The following SUSD1 variants were observed in gnomAD, a reference collection of about 807,000 sequenced individuals.
SUSD1 encodes sushi domain containing 1, also known as sushi domain-containing protein 1.
Under a neutral mutation model 86.9 loss-of-function variants are expected in SUSD1, and 65 were observed. The ratio of observed to expected loss-of-function variants is 0.75; its 90% CI spans 0.61 to 0.92. The LOEUF is 0.92. SUSD1 is among the 40% of genes least tolerant of loss of function. SUSD1 has a pLI of 0.00. For missense variants in SUSD1, 850 were observed against 929.7 expected, an observed-to-expected ratio of 0.91 and a Z score of 1.11; for synonymous variants, 346 against 350.0, an observed-to-expected ratio of 0.99 and a Z score of 0.13.
intron 8 of SUSD1, 67 bp downstream of exon 8, chr9:112,111,587 C>G (rs1278446155): frequency 4.5e-6 from 7 of 1,550,638 alleles, no homozygotes; most frequent in Non-Finnish European, 6.1e-6. Context: ...GCTGATTCTG[C>G]AGCATACTTC....
At chr9:112,155,992 G>GAGAGAGAGAAAGAAAGAAAT (rs1833291972) in intron 2 of SUSD1, among the ~76,000 whole-genome samples, 1 of 151,084 alleles carries the variant, frequency 6.6e-6, no homozygotes, top group African/African-American at 2.4e-5. Context: ...AAGAAAGAAA[G>GAGAGAGAGAAAGAAAGAAAT]AGAGAAAGAA....
intron 3 of SUSD1, among the ~76,000 whole-genome samples, chr9:112,148,777 G>A (rs766658531): frequency 2.0e-5 from 3 of 151,908 alleles, no homozygotes; most frequent in Admixed American, 6.6e-5. Flanking sequence ...ATGGTGGTGC[G>A]TGCCTGTAAT....
chr9:112,172,640 C>T (rs771503856), intron 1 of SUSD1, among the ~76,000 whole-genome samples: 1 of 152,114 alleles, frequency 6.6e-6, no homozygotes, highest in Non-Finnish European at 1.5e-5. Flanking sequence ...AAACATATAC[C>T]AAGTCACCCA....
chr9:112,085,946 A>C (rs149096184), intron 10 of SUSD1, among the ~76,000 whole-genome samples: 63 of 152,266 alleles, frequency 4.1e-4, no homozygotes, highest in African/African-American at 1.5e-3. Context: ...AATAAAATAA[A>C]ATAAAACAAC....
intron 1 of SUSD1, among the ~76,000 whole-genome samples, chr9:112,165,481 C>T (rs916415084): frequency 1.2e-4 from 18 of 147,336 alleles, no homozygotes; most frequent in Admixed American, 9.0e-4. Context: ...ACGATCACAG[C>T]TCACTGCAAC....
Position 112,042,225 on chromosome 9 carries a change from T to C in SUSD1, c.2150-265A>G. 3 of 1,417,784 alleles carry C rather than the reference T, an allele frequency of 2.1e-6. No homozygotes were observed. The South Asian group carries it at 3.7e-5, about 18-fold the overall frequency. The allele number at this position is 1,417,784 out of a possible 1,614,324, so 87.8% of individuals were successfully genotyped here. ...GTTACAAGGGAGAAAACAGCTAATC[T>C]TGTTGAGCACACAAATACTATGCAA... On this transcript the variant is annotated intron_variant, in intron 15 of 16. Coordinates refer to ENST00000374270, the MANE Select transcript of SUSD1 (RefSeq NM_022486.5).
At chr9:112,104,499 T>A (rs1258982351) in intron 8 of SUSD1, among the ~76,000 whole-genome samples, 1 of 152,144 alleles carries the variant, frequency 6.6e-6, no homozygotes, top group East Asian at 1.9e-4. Flanking sequence ...GAAGGTACCA[T>A]CTGGCAGAGA....
chr9:112,138,077 A>T (rs1000802646), intron 5 of SUSD1, among the ~76,000 whole-genome samples: 1 of 149,948 alleles, frequency 6.7e-6, no homozygotes, highest in Non-Finnish European at 1.5e-5. Flanking sequence ...ACAAAAAATT[A>T]GCTGGGCATG....
chr9:112,064,927 A>T (rs1258841836), intron 12 of SUSD1, among the ~76,000 whole-genome samples: 1 of 152,062 alleles, frequency 6.6e-6, no homozygotes, highest in Non-Finnish European at 1.5e-5. Flanking sequence ...TTTACCAGCA[A>T]TAAAACTGAT....
chr9:112,051,751 C>T (rs532349152), intron 15 of SUSD1, among the ~76,000 whole-genome samples: 15 of 152,074 alleles, frequency 9.9e-5, no homozygotes, highest in Non-Finnish European at 1.5e-4. Context: ...GCTACACAGC[C>T]GAATGGTAGT....
intron 8 of SUSD1, among the ~76,000 whole-genome samples, chr9:112,107,211 C>T (rs754652917): frequency 2.8e-5 from 4 of 140,356 alleles, no homozygotes; most frequent in South Asian, 4.5e-4. Flanking sequence ...GCCATGGTTG[C>T]ACCACTGAAC....
intron 10 of SUSD1, 126 bp downstream of exon 10, chr9:112,098,344 A>G: frequency 1.1e-6 from 1 of 940,860 alleles, no homozygotes; most frequent in Non-Finnish European, 1.6e-6. Context: ...GCAGCTAACA[A>G]AGTTTGTTAG....
At chr9:112,126,378 T>C (rs1446913362) in intron 5 of SUSD1, among the ~76,000 whole-genome samples, 2 of 152,318 alleles carry the variant, frequency 1.3e-5, no homozygotes, top group Admixed American at 6.5e-5. Context: ...GATAACTAGA[T>C]TGGCTTCCAT....
chr9:112,080,089 C>T lies in SUSD1; in HGVS notation c.1551G>A (p.Met517Ile). The change falls in exon 11 of 17, where the codon ATG (methionine) becomes ATA (isoleucine). Residue 517 changes from methionine (M) to isoleucine (I), a missense_variant. Coordinates refer to ENST00000374270, the MANE Select transcript of SUSD1 (RefSeq NM_022486.5). ...LRWRSIKTADMEEMYLFHIWG... is the reference protein window; with the variant it reads ...LRWRSIKTADIEEMYLFHIWG... Reference sequence around the variant, plus strand: ...AGTCACTTACTAAATACATCTCCTCCATATCAGCTGTCTTGATGCTTCTCC... The same window carrying T: ...AGTCACTTACTAAATACATCTCCTCTATATCAGCTGTCTTGATGCTTCTCC... 6.2e-7 allele frequency: 1 copy of T among 1,612,270 alleles called. No individual in the cohort carries two copies. The highest frequency in any genetic ancestry group is 8.5e-7 in the Non-Finnish European group (1 of 1,178,428).
chr9:112,098,540 C>G lies in SUSD1; in HGVS notation c.1404G>C (p.Thr468=). Residue 468 remains threonine (T), a synonymous_variant, in exon 10 of 17, where the codon ACG becomes ACC. Transcript: ENST00000374270. The part of the protein sequence containing the change: ...CLDLYPTTDY[T]VNVTLLRSPK... ...GAGATCTCAGCAGGGTCACATTCACCGTATAATCAGTCGTAGGGTACAGAT... is the reference window on the plus strand; with the variant it reads ...GAGATCTCAGCAGGGTCACATTCACGGTATAATCAGTCGTAGGGTACAGAT... The G allele has an allele frequency of 6.2e-7, 1 of 1,614,152 alleles. No individual in the cohort carries two copies. The highest frequency in any genetic ancestry group is 1.1e-5 in the South Asian group (1 of 91,086).
intron 11 of SUSD1, 50 bp downstream of exon 11, chr9:112,080,024 C>T: frequency 7.4e-7 from 1 of 1,358,482 alleles, no homozygotes; most frequent in Non-Finnish European, 1.1e-6. Context: ...ATTTTTAAGC[C>T]TCCCACATAA....
In SUSD1 at chr9:112,142,301, G is replaced by A. The variant is rs1313512859; in HGVS notation, c.706+19C>T. On this transcript the variant is annotated intron_variant, in intron 5 of 16. Coordinates refer to ENST00000374270, the MANE Select transcript of SUSD1 (RefSeq NM_022486.5). ...TCAAGGTGGTATGAATTGGGAACCT[G>A]TATTTTTTGAAAACTCACCTTGGCA... is the stretch of plus-strand genomic sequence containing the variant. 4 of 1,534,290 alleles carry A rather than the reference G, an allele frequency of 2.6e-6. No individual in the cohort carries two copies. The highest frequency in any genetic ancestry group is 3.5e-6 in the Non-Finnish European group (4 of 1,141,974).
In SUSD1 at chr9:112,143,554, A is replaced by G. The variant is rs774455894; in HGVS notation, c.443T>C (p.Phe148Ser). 3.7e-6 allele frequency: 6 copies of G among 1,614,018 alleles called. No individual in the cohort carries two copies. Among genetic ancestry groups the G allele is most frequent in the Non-Finnish European group, 5.1e-6 (6 of 1,180,022 alleles). Residue 148 changes from phenylalanine to serine, a missense_variant, in exon 4 of 17, where the codon TTT becomes TCT. Phe to Ser is a radical substitution (Grantham distance 155). Coordinates refer to ENST00000374270, the MANE Select transcript of SUSD1 (RefSeq NM_022486.5). ...GTATCCATCCATACAGTAGCATTCA[A>G]AGCTCCCATGAGTGTTCACGCATCG... ...GGRCVNTHGSFECYCMDGYLP... is the reference protein window; with the variant it reads ...GGRCVNTHGSSECYCMDGYLP...
intron 12 of SUSD1, among the ~76,000 whole-genome samples, chr9:112,068,641 G>A (rs942409996): frequency 6.6e-6 from 1 of 150,866 alleles, no homozygotes; most frequent in Non-Finnish European, 1.5e-5. Context: ...GGCAGAGGTT[G>A]CAGTGAGCCA....
Sources: gnomAD v4.1 joint callset for allele counts (sites outside exome capture counted in the v4.1 genomes callset) on GRCh38, gnomAD v4.1.1 for gene constraint, MANE v1.5 for transcripts, NCBI Gene and HGNC (gene_info 2026-07-23, HGNC 2026-07-21) for gene names.